MTMR6: variants seen among roughly 807,000 people sequenced by gnomAD.
The protein encoded by MTMR6 is myotubularin related protein 6, also known as phosphatidylinositol-3,5-bisphosphate 3-phosphatase MTMR6.
In MTMR6, 47 loss-of-function variants were observed where a neutral mutation model predicts 80.1. The observed-to-expected ratio is 0.59, with a 90% CI of 0.46 to 0.75. MTMR6 has a LOEUF of 0.75. MTMR6 is among the 30% of genes least tolerant of loss of function. The pLI is 0.00. For synonymous variants in MTMR6, 254 were observed against 253.0 expected (o/e 1.00, Z -0.04); for missense variants, 629 against 730.9 (o/e 0.86, Z 1.61).
At chr13:25,278,222 T>C (rs999936338) in intron 1 of MTMR6, among the ~76,000 whole-genome samples, 2 of 152,210 alleles carry the variant, frequency 1.3e-5, no homozygotes, top group Admixed American at 6.5e-5. Flanking sequence ...TAGGCTCTTT[T>C]CCCAAATATT....
At position 25,251,839 on chromosome 13, in the gene MTMR6, T is replaced by C. The variant is rs558630526; in HGVS notation, c.1478+14A>G. ...GAAAATTCAAGTATAAATACTCCAATGATGTCAACTTACTTAAAATTGAAA... is the reference window on the plus strand; with the variant it reads ...GAAAATTCAAGTATAAATACTCCAACGATGTCAACTTACTTAAAATTGAAA... On this transcript the variant is annotated intron_variant, in intron 12 of 13. Transcript: ENST00000381801. The surrounding 1 kb of genome is among the most constrained non-coding windows in gnomAD (Gnocchi z 4.1). 1 of 1,603,032 alleles carries C rather than the reference T, an allele frequency of 6.2e-7. No homozygotes were observed. Among genetic ancestry groups the C allele is most frequent in the African/African-American group, 1.3e-5 (1 of 74,164 alleles).
chr13:25,270,882 A>G (rs1468680753), intron 2 of MTMR6, among the ~76,000 whole-genome samples: 1 of 152,232 alleles, frequency 6.6e-6, no homozygotes, highest in Non-Finnish European at 1.5e-5. Flanking sequence ...ACTGGGAGGC[A>G]TAATTGACCT....
intron 5 of MTMR6, among the ~76,000 whole-genome samples, chr13:25,263,943 T>G (rs550619316): frequency 1.4e-4 from 22 of 152,082 alleles, no homozygotes; most frequent in African/African-American, 5.3e-4. Flanking sequence ...AAACCATTCC[T>G]GCACACAAAC....
rs1357656729 is a variant in MTMR6 at position 25,251,001 on chromosome 13, T to G, written c.1605+648A>C. On this transcript the variant is annotated intron_variant, in intron 13 of 13. Coordinates refer to ENST00000381801, the MANE Select transcript of MTMR6 (RefSeq NM_004685.5). The surrounding 1 kb of genome is among the most constrained non-coding windows in gnomAD (Gnocchi z 4.1). ...TAGAGGGTCTTCAAATAGATCTATG[T>G]TTTATTTCTTTTTTTTTTGTTTGTT... Among the ~76,000 whole-genome samples the G allele has an allele frequency of 5.2e-5, 1 of 19,164 alleles. No homozygotes were observed. The highest frequency in any genetic ancestry group is 9.5e-4 in the Non-Finnish European group (1 of 1,056). 12.6% of individuals were successfully genotyped at this position (19,164 alleles called of 152,430 possible). A position where few individuals can be genotyped will look rare whatever the true frequency, so the allele number is the denominator to read the frequency against.
At position 25,267,945 on chromosome 13, in the gene MTMR6, C is replaced by A; in HGVS notation, c.142-4G>T. On this transcript the variant is annotated splice_polypyrimidine_tract_variant and splice_region_variant and intron_variant, in intron 2 of 13. Transcript: ENST00000381801. ...AGGCAATATGGTGGTGTAATATCTA[C>A]AGCATGAAAAAACATCCAGGTCATC... 1 of 1,578,556 alleles carries A rather than the reference C, an allele frequency of 6.3e-7. No individual in the cohort carries two copies. The highest frequency in any genetic ancestry group is 8.6e-7 in the Non-Finnish European group (1 of 1,163,094).
At chr13:25,275,098 C>A (rs12428988) in intron 1 of MTMR6, among the ~76,000 whole-genome samples, 2 of 151,534 alleles carry the variant, frequency 1.3e-5, no homozygotes, top group African/African-American at 4.8e-5. Context: ...TTCATCCTTA[C>A]GAAAAAAAGT....
chr13:25,266,919 T>G (rs1384114889), intron 3 of MTMR6, among the ~76,000 whole-genome samples: 1 of 152,156 alleles, frequency 6.6e-6, no homozygotes. Flanking sequence ...ATTCAAGTCA[T>G]GTTTGGGGAA....
intron 6 of MTMR6, 29 bp from the exon 7 acceptor site, chr13:25,258,721 G>A (rs1233617543): frequency 3.3e-6 from 5 of 1,493,024 alleles, no homozygotes; most frequent in Admixed American, 2.6e-5. Context: ...GAAATTTAGA[G>A]ACAAATTACT....
intron 1 of MTMR6, among the ~76,000 whole-genome samples, chr13:25,275,218 G>A (rs1201733903): frequency 2.0e-5 from 3 of 151,532 alleles, no homozygotes; most frequent in Non-Finnish European, 2.9e-5. Context: ...CCTAAGGGCA[G>A]GAGTTCAAGA....
chr13:25,261,161 T>G (rs141100416), intron 6 of MTMR6, among the ~76,000 whole-genome samples: 3,560 of 151,368 alleles, frequency 0.024, 150 homozygotes, highest in African/African-American at 0.083. Flanking sequence ...TACAAAAAAT[T>G]AGCCAGGCAT....
intron 2 of MTMR6, among the ~76,000 whole-genome samples, chr13:25,271,782 T>C (rs1271094718): frequency 1.3e-5 from 2 of 152,190 alleles, no homozygotes; most frequent in Non-Finnish European, 2.9e-5. Flanking sequence ...GTTTCCAAAA[T>C]ATCTAGAATA....
intron 11 of MTMR6, among the ~76,000 whole-genome samples, chr13:25,252,519 G>C (rs1386774914): frequency 2.6e-5 from 4 of 152,210 alleles, no homozygotes; most frequent in Non-Finnish European, 5.9e-5. Flanking sequence ...GGTAAGAATG[G>C]TTTTAGACTG....
intron 9 of MTMR6, 23 bp downstream of exon 9, chr13:25,257,173 G>A (rs1356918882): frequency 1.2e-6 from 2 of 1,606,108 alleles, no homozygotes; most frequent in Admixed American, 3.4e-5. Context: ...AAGAACCATT[G>A]GTCTAACCAA....
chr13:25,281,621 T>G (rs1356386290), intron 1 of MTMR6, among the ~76,000 whole-genome samples: 1 of 152,090 alleles, frequency 6.6e-6, no homozygotes, highest in African/African-American at 2.4e-5. Context: ...TACATAACAA[T>G]AGACGCTGTG....
At chr13:25,269,286 G>C (rs1348423434) in intron 2 of MTMR6, among the ~76,000 whole-genome samples, 1 of 152,148 alleles carries the variant, frequency 6.6e-6, no homozygotes, top group Non-Finnish European at 1.5e-5. Flanking sequence ...TTTTAAATGT[G>C]AATGCCCAAG....
intron 1 of MTMR6, 60 bp downstream of exon 1, chr13:25,287,164 T>C: frequency 6.4e-7 from 1 of 1,559,586 alleles, no homozygotes; most frequent in Admixed American, 1.8e-5. Flanking sequence ...CTTCGTCTCC[T>C]CCTGCCTCAG....
In MTMR6 at chr13:25,251,693, C is replaced by T; in HGVS notation, c.1561G>A (p.Glu521Lys). Residue 521 changes from glutamate to lysine, a missense_variant, in exon 13 of 14, where the codon GAG becomes AAG. Physicochemically the swap from Glu to Lys is moderately conservative, Grantham distance 56. Transcript: ENST00000381801. The surrounding 1 kb of genome is among the most constrained non-coding windows in gnomAD (Gnocchi z 4.1). ...SVFNIIMNMNEQNKQLEKDIK... is the reference protein window; with the variant it reads ...SVFNIIMNMNKQNKQLEKDIK... Reference sequence around the variant, plus strand: ...TCTTTCTCTAATTGTTTATTTTGCTCATTCATATTCATAATTATATTAAAT... The same window carrying T: ...TCTTTCTCTAATTGTTTATTTTGCTTATTCATATTCATAATTATATTAAAT... The T allele has an allele frequency of 1.4e-5, 21 of 1,554,494 alleles. No homozygotes were observed. Among genetic ancestry groups the T allele is most frequent in the Non-Finnish European group, 1.9e-5 (21 of 1,132,238 alleles).
chr13:25,284,051 T>C (rs1169347009), intron 1 of MTMR6, among the ~76,000 whole-genome samples: 1 of 152,188 alleles, frequency 6.6e-6, no homozygotes, highest in Non-Finnish European at 1.5e-5. Context: ...AAATACTTAA[T>C]CTGATAAATC....
intron 7 of MTMR6, 101 bp from the exon 8 acceptor site, chr13:25,257,946 AAT>A: frequency 1.6e-6 from 1 of 622,368 alleles, no homozygotes; most frequent in Middle Eastern, 3.0e-4. Flanking sequence ...AAGAAGACAA[AAT>A]AAACAGGCAA....
Sources: allele counts gnomAD v4.1 joint callset (sites outside exome capture counted in the v4.1 genomes callset), GRCh38; gene constraint gnomAD v4.1.1; non-coding constraint Gnocchi (gnomAD v3.1); transcripts MANE v1.5; gene names NCBI Gene and HGNC (gene_info 2026-07-23, HGNC 2026-07-21).